Variants in SLC35F2 observed in about 807,000 individuals in gnomAD.
SLC35F2 encodes the protein queuine/queuosine transporter SLC35F2.
A neutral mutation model predicts 38.1 loss-of-function variants in SLC35F2; 25 were observed. The ratio of observed to expected loss-of-function variants is 0.66; its 90% CI spans 0.48 to 0.92. SLC35F2 has a LOEUF of 0.92. SLC35F2 is among the 40% of genes least tolerant of loss of function. The pLI, the probability that SLC35F2 is intolerant of heterozygous loss-of-function variation, is 0.00. For synonymous variants in SLC35F2, 173 were observed against 181.7 expected (o/e 0.95, Z 0.38); for missense variants, 409 against 452.9 (o/e 0.90, Z 0.88).
At chr11:107,805,769 C>T (rs568108835) in intron 4 of SLC35F2, 16 of 570,836 alleles carry the variant, frequency 2.8e-5, no homozygotes, top group African/African-American at 2.7e-4. Context: ...CCTACACCTC[C>T]GGGTTCAAGT....
chr11:107,858,731 CT>C lies in SLC35F2; in HGVS notation c.36del (p.Glu13SerfsTer18). ...EADSPAGPGA[P>X]EPLAEGAAAE... ...GCCGCCGCTCCCTCCGCGAGGGGCT[CT>C]GGGGCGCCGGGGCCCGCTGGCGAGT... On this transcript the variant is annotated frameshift_variant, in exon 1 of 8. Coordinates refer to ENST00000525815, the MANE Select transcript of SLC35F2 (RefSeq NM_017515.5). LOFTEE classifies it high-confidence loss of function. 7.7e-7 allele frequency: 1 copy of C among 1,290,340 alleles called. No homozygotes were observed. The highest frequency in any genetic ancestry group is 9.9e-7 in the Non-Finnish European group (1 of 1,011,178). 79.9% of individuals were successfully genotyped at this position (1,290,340 alleles called of 1,614,324 possible). A position where few individuals can be genotyped will look rare whatever the true frequency, so the allele number is the denominator to read the frequency against.
rs2134750049 is a variant in SLC35F2 at position 107,791,258 on chromosome 11, T to G, written c.*1357A>C. The G allele has an allele frequency of 6.6e-6, 1 of 152,552 alleles. No individual in the cohort carries two copies. Among genetic ancestry groups the G allele is most frequent in the Non-Finnish European group, 1.5e-5 (1 of 68,036 alleles). 9.4% of individuals were successfully genotyped at this position (152,552 alleles called of 1,614,324 possible). On this transcript the variant is annotated 3_prime_UTR_variant, in exon 8 of 8. Coordinates refer to ENST00000525815, the MANE Select transcript of SLC35F2 (RefSeq NM_017515.5). ...ATACTCTTTGGTGAGAAATGATTAA[T>G]TTTATATTTTCATTTTGATGAGAAT...
chr11:107,813,715 G>A (rs555538070), intron 2 of SLC35F2, among the ~76,000 whole-genome samples: 7 of 152,120 alleles, frequency 4.6e-5, no homozygotes, highest in African/African-American at 1.7e-4. Flanking sequence ...ATTTGGGCTT[G>A]ACAGCAGTGG....
intron 4 of SLC35F2, among the ~76,000 whole-genome samples, chr11:107,805,836 C>T (rs1859382350): frequency 6.6e-6 from 1 of 152,180 alleles, no homozygotes; most frequent in African/African-American, 2.4e-5. Flanking sequence ...TCCATCATGC[C>T]TGGCTAATTT....
chr11:107,805,938 G>C (rs537948382), intron 4 of SLC35F2, among the ~76,000 whole-genome samples: 4 of 152,220 alleles, frequency 2.6e-5, no homozygotes, highest in African/African-American at 9.6e-5. Context: ...GAGCGACTGT[G>C]CCTGGCCTAA....
intron 1 of SLC35F2, among the ~76,000 whole-genome samples, chr11:107,842,424 A>G (rs758333558): frequency 6.6e-6 from 1 of 151,900 alleles, no homozygotes; most frequent in Non-Finnish European, 1.5e-5. Flanking sequence ...CATGATGTCA[A>G]CTCACTGCAA....
At chr11:107,826,737 G>C (rs764160242) in intron 1 of SLC35F2, among the ~76,000 whole-genome samples, 3 of 151,940 alleles carry the variant, frequency 2.0e-5, no homozygotes, top group Non-Finnish European at 2.9e-5. Context: ...AAATAAACTT[G>C]ATGTTTTAAA....
At position 107,806,702 on chromosome 11, in the gene SLC35F2, G is replaced by T. The variant is rs769294147; in HGVS notation, c.574+15C>A. The T allele has an allele frequency of 6.2e-7, 1 of 1,613,304 alleles. No individual in the cohort carries two copies. The highest frequency in any genetic ancestry group is 8.5e-7 in the Non-Finnish European group (1 of 1,179,294). On this transcript the variant is annotated intron_variant, in intron 4 of 7. Transcript: ENST00000525815. ...TTTGCTGTGATTGAAGCACAAACAT[G>T]TGACACCGTCTCACCTGAATTGTCT...
At chr11:107,834,768 CTCATA>C (rs941139715) in intron 1 of SLC35F2, among the ~76,000 whole-genome samples, 13 of 152,142 alleles carry the variant, frequency 8.5e-5, no homozygotes, top group Non-Finnish European at 1.9e-4. Flanking sequence ...ATCATATATA[CTCATA>C]TCATATATAC....
At chr11:107,803,604 G>T (rs2095820984) in intron 6 of SLC35F2, 1 of 626,458 alleles carries the variant, frequency 1.6e-6, no homozygotes, top group Non-Finnish European at 2.0e-6. Flanking sequence ...TATCTTTAAA[G>T]ACATCAAAGA....
At chr11:107,818,112 GAAA>G (rs1859611888) in intron 1 of SLC35F2, among the ~76,000 whole-genome samples, 1 of 130,512 alleles carries the variant, frequency 7.7e-6, no homozygotes, top group Non-Finnish European at 1.6e-5. Context: ...AAGAAAGAAA[GAAA>G]GAAAGAAAGA....
chr11:107,855,893 A>C (rs1471441524), intron 1 of SLC35F2, among the ~76,000 whole-genome samples: 1 of 151,736 alleles, frequency 6.6e-6, no homozygotes, highest in Non-Finnish European at 1.5e-5. Context: ...TAGATGGATC[A>C]CCTGAGGTCA....
Position 107,847,242 on chromosome 11 carries a change from A to C in SLC35F2, c.110+11416T>G, listed in dbSNP as rs1860115234. Among the ~76,000 whole-genome samples, 3 of 152,020 alleles carry C rather than the reference A, an allele frequency of 2.0e-5. No homozygotes were observed. In the South Asian group the frequency reaches 6.2e-4, roughly 32 times the overall value. ...TTTTTTATTTTTTTGTAGAGACAGG[A>C]GTCTCGCTTTGTTGCCCAGGCTGGT... On this transcript the variant is annotated intron_variant, in intron 1 of 7. Transcript: ENST00000525815.
At chr11:107,853,678 C>T (rs1292117843) in intron 1 of SLC35F2, among the ~76,000 whole-genome samples, 185 of 146,298 alleles carry the variant, frequency 1.3e-3, no homozygotes, top group Non-Finnish European at 2.4e-3. Flanking sequence ...CGAGATCGCG[C>T]CACTGCACTC....
At chr11:107,853,738 A>AG (rs1414310528) in intron 1 of SLC35F2, among the ~76,000 whole-genome samples, 7 of 149,416 alleles carry the variant, frequency 4.7e-5, no homozygotes, top group Admixed American at 2.7e-4. Context: ...AAAAAAAAAA[A>AG]AAAGAAAGAA....
rs1331904678 is a variant in SLC35F2 at position 107,803,128 on chromosome 11, C to T, written c.812G>A (p.Cys271Tyr). Reference sequence around the variant, plus strand: ...CATGAAGCTGTACAGGCAAAACATACACAGGGCAAATGCCACGAACAGCAG... The same window carrying T: ...CATGAAGCTGTACAGGCAAAACATATACAGGGCAAATGCCACGAACAGCAG... ...IALLFVAFAL[C>Y]MFCLYSFMPL... Residue 271 changes from cysteine (C) to tyrosine (Y), a missense_variant, in exon 7 of 8, where the codon TGT becomes TAT. Transcript: ENST00000525815. The T allele has an allele frequency of 1.9e-6, 3 of 1,611,570 alleles. No individual in the cohort carries two copies. In the Admixed American group the frequency reaches 5.1e-5, roughly 27 times the overall value.
chr11:107,845,348 C>T (rs1183234379), intron 1 of SLC35F2, among the ~76,000 whole-genome samples: 4 of 151,906 alleles, frequency 2.6e-5, no homozygotes, highest in Non-Finnish European at 5.9e-5. Context: ...GAGGCCAAGG[C>T]GGGCAGATCA....
At chr11:107,813,475 C>CA (rs1859515742) in intron 2 of SLC35F2, among the ~76,000 whole-genome samples, 1 of 151,948 alleles carries the variant, frequency 6.6e-6, no homozygotes, top group Non-Finnish European at 1.5e-5. Flanking sequence ...AGAAGAAAAA[C>CA]AAAAAACAAA....
intron 1 of SLC35F2, among the ~76,000 whole-genome samples, chr11:107,856,905 AAGGG>A (rs59133662): frequency 5.1e-5 from 4 of 77,806 alleles, no homozygotes; most frequent in Non-Finnish European, 4.7e-5. Flanking sequence ...GGAAGGAAGG[AAGGG>A]AGGGAGGGAG....
Sources: gnomAD v4.1 joint callset for allele counts (sites outside exome capture counted in the v4.1 genomes callset) on GRCh38, gnomAD v4.1.1 for gene constraint, MANE v1.5 for transcripts, NCBI Gene and HGNC (gene_info 2026-07-23, HGNC 2026-07-21) for gene names.